Variants in MTMR9 observed in about 807,000 individuals in gnomAD.
MTMR9 encodes myotubularin-related protein 9.
MTMR9 carries 39 observed loss-of-function variants against 69.5 expected under a neutral mutation model. That is an observed-to-expected ratio of 0.56 (90% confidence interval 0.43 to 0.73). The LOEUF (loss-of-function observed/expected upper bound fraction) is 0.73, where lower values mean the gene tolerates loss of function less well. Ranked by LOEUF, MTMR9 falls within the 30% of genes least tolerant of loss-of-function variation. MTMR9 has a pLI of 0.00. For synonymous variants in MTMR9, 354 were observed against 240.8 expected (o/e 1.47, Z -4.35); for missense variants, 900 against 671.2 (o/e 1.34, Z -3.77).
intron 9 of MTMR9, chr8:11,321,294 G>A (rs1488671948): frequency 3.4e-5 from 13 of 386,300 alleles, no homozygotes; most frequent in Non-Finnish European, 6.3e-5. Context: ...GCTTACTTTC[G>A]TGATTGTCGT....
rs181339553 is a variant in MTMR9 at position 11,304,985 on chromosome 8, C to A, written c.562C>A (p.Leu188Ile). The change falls in exon 4 of 10, where the codon CTA becomes ATA. Residue 188 changes from leucine to isoleucine, a missense_variant. By Grantham distance (5) the Leu-to-Ile change is conservative. Transcript: ENST00000221086. Reference protein sequence around the residue: ...TFRHGGRFPVLSYYHKKNGMV... With the variant: ...TFRHGGRFPVISYYHKKNGMV... Reference sequence around the variant, plus strand: ...TCGACATGGAGGGCGCTTCCCAGTACTAAGCTATTACCACAAAAAAAATGG... The same window carrying A: ...TCGACATGGAGGGCGCTTCCCAGTAATAAGCTATTACCACAAAAAAAATGG... 6 of 1,614,022 alleles carry A rather than the reference C, an allele frequency of 3.7e-6. No individual in the cohort carries two copies. The highest frequency in any genetic ancestry group is 5.1e-6 in the Non-Finnish European group (6 of 1,179,958).
At chr8:11,299,388 C>T (rs1282482915) in intron 2 of MTMR9, among the ~76,000 whole-genome samples, 1 of 152,206 alleles carries the variant, frequency 6.6e-6, no homozygotes, top group Non-Finnish European at 1.5e-5. Flanking sequence ...AAGCCTTTTA[C>T]ACACATTATC....
At chr8:11,295,033 C>G (rs879381788) in intron 1 of MTMR9, 161 bp from the exon 2 acceptor site, 2 of 479,504 alleles carry the variant, frequency 4.2e-6, no homozygotes, top group Non-Finnish European at 7.3e-6. Context: ...ATGTATGGCT[C>G]ACATTTTAAT....
intron 5 of MTMR9, among the ~76,000 whole-genome samples, chr8:11,307,156 C>G (rs1182580711): frequency 2.0e-5 from 3 of 152,214 alleles, no homozygotes; most frequent in African/African-American, 7.2e-5. Flanking sequence ...ACTGCAATCT[C>G]TGCCTCCCAG....
the MTMR9 span, among the ~76,000 whole-genome samples, chr8:11,338,348 T>A: frequency 3.9e-5 from 6 of 152,204 alleles, no homozygotes; most frequent in Non-Finnish European, 7.3e-5. Flanking sequence ...AGAAATGTGC[T>A]AGTGAGGTGG....
Position 11,295,195 on chromosome 8 carries a change from T to C in MTMR9, c.184T>C (p.Phe62Leu), listed in dbSNP as rs1799507293. ...HSNIDAIDKRFVGSLGTIIIK... is the reference protein window; with the variant it reads ...HSNIDAIDKRLVGSLGTIIIK... ...AACATGATTTGCAATTTCTTACAGA[T>C]TTGTAGGATCACTGGGTACCATCAT... The change falls in exon 2 of 10, where the codon TTT (phenylalanine) becomes CTT (leucine). Residue 62 changes from phenylalanine (F) to leucine (L), a missense_variant and splice_region_variant. Transcript: ENST00000221086. The C allele has an allele frequency of 6.4e-7, 1 of 1,569,072 alleles. No individual in the cohort carries two copies. The highest frequency in any genetic ancestry group is 8.7e-7 in the Non-Finnish European group (1 of 1,142,896).
Position 11,311,705 on chromosome 8 carries a change from C to T in MTMR9, c.971+2017C>T, listed in dbSNP as rs1316913947. Among the ~76,000 whole-genome samples, 5 of 152,128 alleles carry T rather than the reference C, an allele frequency of 3.3e-5. No homozygotes were observed. In the East Asian group the frequency reaches 9.6e-4, roughly 29 times the overall value. On this transcript the variant is annotated intron_variant, in intron 6 of 9. Transcript: ENST00000221086. The stretch of plus-strand genomic sequence containing the variant: ...TGAATGGCTGTGGCAATTTCTTAGA[C>T]AAGACAGCAATGAAGATTGCCGCAT...
At chr8:11,303,482 C>A (rs902307508) in intron 3 of MTMR9, among the ~76,000 whole-genome samples, 1 of 151,962 alleles carries the variant, frequency 6.6e-6, no homozygotes, top group African/African-American at 2.4e-5. Flanking sequence ...GAACAGATAA[C>A]TACATTTTTT....
chr8:11,299,881 C>A, intron 2 of MTMR9, 142 bp from the exon 3 acceptor site: 1 of 946,414 alleles, frequency 1.1e-6, no homozygotes, highest in Non-Finnish European at 1.5e-6. Context: ...AAAATTGTAT[C>A]TGGTGATAAA....
chr8:11,331,893 G>T, downstream of MTMR9: 2 of 1,611,316 alleles, frequency 1.2e-6, no homozygotes, highest in Non-Finnish European at 1.7e-6. Context: ...GGGGATCCTC[G>T]CCTTGGTCTC....
chr8:11,331,504 T>A (rs1428323451), downstream of MTMR9: 2 of 1,613,794 alleles, frequency 1.2e-6, no homozygotes, highest in Non-Finnish European at 8.5e-7. Flanking sequence ...GCTGCCACTG[T>A]TCGCAAAGGT....
At chr8:11,334,136 G>C in the MTMR9 span, among the ~76,000 whole-genome samples, 1 of 152,178 alleles carries the variant, frequency 6.6e-6, no homozygotes, top group African/African-American at 2.4e-5. Context: ...CCAGCTTCCA[G>C]AGCCTTGAGC....
chr8:11,293,875 G>C (rs1434431002), intron 1 of MTMR9, among the ~76,000 whole-genome samples: 4 of 151,728 alleles, frequency 2.6e-5, no homozygotes, highest in African/African-American at 9.7e-5. Flanking sequence ...ATCTATTTCT[G>C]GACTCTTTTT....
intron 2 of MTMR9, chr8:11,298,895 G>A: frequency 1.0e-6 from 1 of 984,594 alleles, no homozygotes; most frequent in African/African-American, 1.7e-5. Flanking sequence ...CCCATTTGGG[G>A]CTGATAGAGT....
chr8:11,318,891 T>C (rs1006467016), intron 8 of MTMR9: 8 of 152,036 alleles, frequency 5.3e-5, no homozygotes, highest in African/African-American at 1.9e-4. Context: ...ACTTTTAATA[T>C]TAGTATGGGC....
chr8:11,334,863 C>T, the MTMR9 span, among the ~76,000 whole-genome samples: 4 of 152,170 alleles, frequency 2.6e-5, no homozygotes, highest in African/African-American at 4.8e-5. Context: ...TCAGTAAATG[C>T]AGAAAAAGCT....
intron 3 of MTMR9, among the ~76,000 whole-genome samples, chr8:11,304,017 G>C (rs1202785837): frequency 6.6e-6 from 1 of 151,780 alleles, no homozygotes; most frequent in Non-Finnish European, 1.5e-5. Flanking sequence ...GGCCAACTCA[G>C]ATATACAGAA....
intron 6 of MTMR9, among the ~76,000 whole-genome samples, chr8:11,312,050 T>C (rs1800222101): frequency 6.6e-6 from 1 of 151,160 alleles, no homozygotes; most frequent in Non-Finnish European, 1.5e-5. Context: ...TTCCTAATTA[T>C]TTATTTATTT....
At position 11,306,473 on chromosome 8, in the gene MTMR9, C is replaced by A; in HGVS notation, c.809+66C>A. On this transcript the variant is annotated intron_variant, in intron 5 of 9. Transcript: ENST00000221086. The stretch of plus-strand genomic sequence containing the variant: ...TAATTATAGTGGGTAAGGCCTTAGC[C>A]ATTTGAAAATCACAAGTGCTCAAAT... 6.4e-6 allele frequency: 9 copies of A among 1,416,650 alleles called. No individual in the cohort carries two copies. In the South Asian group the frequency reaches 9.8e-5, roughly 15 times the overall value. The allele number at this position is 1,416,650 out of a possible 1,614,324, so 87.8% of individuals were successfully genotyped here.
Sources: allele counts gnomAD v4.1 joint callset (sites outside exome capture counted in the v4.1 genomes callset), GRCh38; gene constraint gnomAD v4.1.1; transcripts MANE v1.5; gene names NCBI Gene and HGNC (gene_info 2026-07-23, HGNC 2026-07-21).